The following ANKRD31 variants were observed in gnomAD, a reference collection of about 807,000 sequenced individuals.
The protein encoded by ANKRD31 is ankyrin repeat domain-containing protein 31.
In ANKRD31, 147 loss-of-function variants were observed where a neutral mutation model predicts 186.0. The observed-to-expected ratio is 0.79, with a 90% CI of 0.69 to 0.91. The LOEUF (loss-of-function observed/expected upper bound fraction) is 0.91. ANKRD31 is among the 40% of genes least tolerant of loss of function. The pLI is 0.00. For missense variants in ANKRD31, 1,986 were observed against 2,148.8 expected, an observed-to-expected ratio of 0.92 and a Z score of 1.50; for synonymous variants, 673 against 736.4, an observed-to-expected ratio of 0.91 and a Z score of 1.39.
rs1304278531 is a variant in ANKRD31, at chr5:75,146,580, T to G, written c.2831A>C (p.Gln944Pro). The G allele has an allele frequency of 6.5e-7, 1 of 1,536,056 alleles. No homozygotes were observed. Among genetic ancestry groups the G allele is most frequent in the African/African-American group, 1.4e-5 (1 of 73,042 alleles). ...LTNKKEMGFQ[Q>P]FLLSEDHLSQ... ...AAGATGATCTTCAGAAAGTAAAAAC[T>G]GTTGGAAACCCATTTCTTTTTTATT... The change falls in exon 14 of 26, where the codon CAG (glutamine) becomes CCG (proline). Residue 944 changes from glutamine (Q) to proline (P), a missense_variant. Gln to Pro is a moderately conservative substitution (Grantham distance 76). Transcript: ENST00000506364.
In ANKRD31 at chr5:75,101,330, T is replaced by C. The variant is rs906133419; in HGVS notation, c.5331+2898A>G. On this transcript the variant is annotated intron_variant, in intron 22 of 25. Coordinates refer to ENST00000506364, the MANE Select transcript of ANKRD31 (RefSeq NM_001372053.1). ...GATGGGCTTCCCTTTGTGGGTAACT[T>C]GACCTTTCTCTGTGGCTGCCCTTAA... Among the ~76,000 whole-genome samples, 3 of 152,190 alleles carry C rather than the reference T, an allele frequency of 2.0e-5. No individual in the cohort carries two copies. In the East Asian group the frequency reaches 5.8e-4, roughly 29 times the overall value.
intron 25 of ANKRD31, among the ~76,000 whole-genome samples, chr5:75,072,742 G>A (rs1286215079): frequency 1.3e-5 from 2 of 152,118 alleles, no homozygotes; most frequent in Admixed American, 6.6e-5. Context: ...ATTTAAGCAC[G>A]TAGAGGATCA....
At chr5:75,079,185 T>C (rs1461334814) in intron 25 of ANKRD31, among the ~76,000 whole-genome samples, 5 of 152,338 alleles carry the variant, frequency 3.3e-5, no homozygotes, top group Non-Finnish European at 5.9e-5. Context: ...TCTGATTCAC[T>C]GAAGAAAGTT....
chr5:75,138,938 C>G lies in ANKRD31; in HGVS notation c.3641G>C (p.Ser1214Thr), dbSNP rs775823393. The part of the protein sequence containing the change: ...RINKRNARGE[S>T]QLHLAVRRGN... Reference sequence around the variant, plus strand: ...TCTTCTGACAGCTAAATGAAGCTGGCTTTCCCCTCTGGCATTCCTCTTGTT... The same window carrying G: ...TCTTCTGACAGCTAAATGAAGCTGGGTTTCCCCTCTGGCATTCCTCTTGTT... Residue 1214 changes from serine to threonine, a missense_variant, in exon 16 of 26, where the codon AGC becomes ACC. Coordinates refer to ENST00000506364, the MANE Select transcript of ANKRD31 (RefSeq NM_001372053.1). The G allele has an allele frequency of 1.8e-4, 282 of 1,536,720 alleles. No homozygotes were observed. Among genetic ancestry groups the G allele is most frequent in the Non-Finnish European group, 2.4e-4 (273 of 1,146,634 alleles).
rs575370816 is a variant in ANKRD31 at position 75,156,033 on chromosome 5, G to A, written c.1708-1688C>T. Among the ~76,000 whole-genome samples, 4 of 151,912 alleles carry A rather than the reference G, an allele frequency of 2.6e-5. No individual in the cohort carries two copies. In the South Asian group the frequency reaches 8.3e-4, roughly 32 times the overall value. On this transcript the variant is annotated intron_variant, in intron 11 of 25. Transcript: ENST00000506364. Reference sequence around the variant, plus strand: ...TCAATTCTTGTGCCTCAGCCTCCCAGGTAGCTGGGAAAAGGTGTGCATCAC... The same window carrying A: ...TCAATTCTTGTGCCTCAGCCTCCCAAGTAGCTGGGAAAAGGTGTGCATCAC...
At chr5:75,069,400 G>GGA (rs1744029645) in intron 25 of ANKRD31, among the ~76,000 whole-genome samples, 2 of 151,754 alleles carry the variant, frequency 1.3e-5, no homozygotes, top group Non-Finnish European at 2.9e-5. Context: ...CTTCATGCTT[G>GGA]GCCCACATGC....
At chr5:75,180,237 T>C (rs1754179745) in intron 10 of ANKRD31, among the ~76,000 whole-genome samples, 1 of 152,072 alleles carries the variant, frequency 6.6e-6, no homozygotes, top group Non-Finnish European at 1.5e-5. Context: ...TGAAAGAGGA[T>C]ACAAACACAT....
In ANKRD31 at chr5:75,214,760, C is replaced by T. The variant is rs1291849486; in HGVS notation, c.289-3895G>A. Reference sequence around the variant, plus strand: ...TGAGATTCAAGTTGTATTCACAACTCTCAGATAAATAGTCCTGAGGCAGAA... The same window carrying T: ...TGAGATTCAAGTTGTATTCACAACTTTCAGATAAATAGTCCTGAGGCAGAA... On this transcript the variant is annotated intron_variant, in intron 3 of 25. Coordinates refer to ENST00000506364, the MANE Select transcript of ANKRD31 (RefSeq NM_001372053.1). 2.0e-5 allele frequency among the ~76,000 whole-genome samples: 3 copies of T among 152,218 alleles called. No individual in the cohort carries two copies. The East Asian group carries it at 5.8e-4, about 29-fold the overall frequency.
In ANKRD31 at chr5:75,105,126, T is replaced by G. The variant is rs753388212; in HGVS notation, c.4433A>C (p.Lys1478Thr). Residue 1478 changes from lysine (K) to threonine (T), a missense_variant, in exon 22 of 26, where the codon AAA becomes ACA. Transcript: ENST00000506364. ...AATTTTCAGGCTTATTTTTTTCTGT[T>G]TTTTTGCCACAACTAAAAGGCTCTT... The part of the protein sequence containing the change: ...RQKSLLVVAK[K>T]QKKISLKIQN... The G allele has an allele frequency of 6.5e-7, 1 of 1,537,088 alleles. No homozygotes were observed. Among genetic ancestry groups the G allele is most frequent in the East Asian group, 2.4e-5 (1 of 40,908 alleles).
At chr5:75,219,512 T>C (rs1203620208) in intron 3 of ANKRD31, among the ~76,000 whole-genome samples, 2 of 152,078 alleles carry the variant, frequency 1.3e-5, no homozygotes, top group South Asian at 2.1e-4. Context: ...AAAGAAATCA[T>C]AGGTGACACA....
At chr5:75,164,508 G>A (rs548083805) in intron 11 of ANKRD31, among the ~76,000 whole-genome samples, 1 of 152,306 alleles carries the variant, frequency 6.6e-6, no homozygotes, top group East Asian at 1.9e-4. Context: ...GAGTACATAA[G>A]CAGGCGTCAG....
chr5:75,159,575 G>A (rs1324735083), intron 11 of ANKRD31, among the ~76,000 whole-genome samples: 1 of 151,246 alleles, frequency 6.6e-6, no homozygotes, highest in African/African-American at 2.4e-5. Flanking sequence ...AATGGGATGA[G>A]ACAGTCAAAA....
At chr5:75,151,151 C>T (rs1318082840) in intron 12 of ANKRD31, among the ~76,000 whole-genome samples, 1 of 151,730 alleles carries the variant, frequency 6.6e-6, no homozygotes, top group Admixed American at 6.6e-5. Context: ...AATAAGTATC[C>T]ATAAAATAAT....
intron 17 of ANKRD31, among the ~76,000 whole-genome samples, chr5:75,128,999 C>G (rs1212570330): frequency 6.6e-6 from 1 of 152,158 alleles, no homozygotes; most frequent in Non-Finnish European, 1.5e-5. Context: ...AGTCCCCACT[C>G]AAATCTCATG....
At chr5:75,123,983 GTGAA>G (rs1749003352) in intron 17 of ANKRD31, among the ~76,000 whole-genome samples, 1 of 151,998 alleles carries the variant, frequency 6.6e-6, no homozygotes, top group Non-Finnish European at 1.5e-5. Flanking sequence ...ATAAAAAAAA[GTGAA>G]CAGACAACCT....
chr5:75,140,437 C>T (rs531471088), intron 15 of ANKRD31, among the ~76,000 whole-genome samples: 27 of 152,040 alleles, frequency 1.8e-4, no homozygotes, highest in Admixed American at 6.6e-5. Flanking sequence ...TCAGTGGTAT[C>T]GGCACCATGG....
At chr5:75,231,814 G>A (rs11957125) in intron 1 of ANKRD31, among the ~76,000 whole-genome samples, 77,104 of 151,740 alleles carry the variant, frequency 0.51, 22,630 homozygotes, top group African/African-American at 0.82. Context: ...GGCTGAAGCA[G>A]GAAGATGGCT....
chr5:75,140,139 G>A lies in ANKRD31; in HGVS notation c.3596-1156C>T, dbSNP rs189029913. On this transcript the variant is annotated intron_variant, in intron 15 of 25. Transcript: ENST00000506364. ...GAATCATTAGAACCTGGAAGGTGGAGGTTGCCCTGAGCCAAGACTGCACCA... is the reference window on the plus strand; with the variant it reads ...GAATCATTAGAACCTGGAAGGTGGAAGTTGCCCTGAGCCAAGACTGCACCA... 4.6e-5 allele frequency among the ~76,000 whole-genome samples: 7 copies of A among 151,962 alleles called. No individual in the cohort carries two copies. The East Asian group carries it at 1.4e-3, about 30-fold the overall frequency.
At chr5:75,202,017 A>C (rs6885887) in intron 5 of ANKRD31, among the ~76,000 whole-genome samples, 77,253 of 152,066 alleles carry the variant, frequency 0.51, 22,687 homozygotes, top group African/African-American at 0.82. Context: ...CCCCCAGGCC[A>C]CACCTTGCTT....
Sources: allele counts gnomAD v4.1 joint callset (sites outside exome capture counted in the v4.1 genomes callset), GRCh38; gene constraint gnomAD v4.1.1; transcripts MANE v1.5; gene names NCBI Gene and HGNC (gene_info 2026-07-23, HGNC 2026-07-21).